RALGPS1: variants seen among roughly 807,000 people sequenced by gnomAD.
The protein encoded by RALGPS1 is Ral GEF with PH domain and SH3 binding motif 1.
A neutral mutation model predicts 78.8 loss-of-function variants in RALGPS1; 19 were observed. The observed-to-expected ratio is 0.24, with a 90% CI of 0.17 to 0.35. The LOEUF is 0.35. Among genes scored for constraint, RALGPS1 ranks in the 10% least tolerant of loss-of-function variants. RALGPS1 has a pLI of 1.00. For synonymous variants in RALGPS1, 228 were observed against 256.3 expected, an observed-to-expected ratio of 0.89 and a Z score of 1.06; for missense variants, 454 against 688.3, an observed-to-expected ratio of 0.66 and a Z score of 3.81.
In RALGPS1 at chr9:127,127,856, G is replaced by GAA. The variant is rs11450591; in HGVS notation, c.611-38202_611-38201dup. ...AAGCTAGGAGGAACACGATTGTCCT[G>GAA]AAAAAAAAAAAATTTTGCTTGTTTT... On this transcript the variant is annotated intron_variant, in intron 8 of 18. Coordinates refer to ENST00000259351, the MANE Select transcript of RALGPS1 (RefSeq NM_014636.3). Among the ~76,000 whole-genome samples the GAA allele has an allele frequency of 2.2e-3, 329 of 149,392 alleles. 2 individuals carry two copies. The highest frequency in any genetic ancestry group is 4.8e-3 in the Admixed American group (72 of 15,036).
chr9:126,930,025 T>C (rs2035650980), intron 1 of RALGPS1, among the ~76,000 whole-genome samples: 1 of 152,094 alleles, frequency 6.6e-6, no homozygotes, highest in African/African-American at 2.4e-5. Flanking sequence ...AGAGATGGGG[T>C]CTTGCAGTGT....
intron 8 of RALGPS1, among the ~76,000 whole-genome samples, chr9:127,092,416 C>T (rs1230592219): frequency 6.6e-6 from 1 of 152,090 alleles, no homozygotes; most frequent in Non-Finnish European, 1.5e-5. Flanking sequence ...ACCGGCGCTC[C>T]CCTCTAGGTC....
intron 13 of RALGPS1, among the ~76,000 whole-genome samples, chr9:127,196,857 G>C (rs2248809): frequency 0.71 from 108,406 of 152,180 alleles, 39,016 homozygotes; most frequent in Admixed American, 0.8. Flanking sequence ...TGGATCTGTC[G>C]TCATCCTGCT....
intron 8 of RALGPS1, among the ~76,000 whole-genome samples, chr9:127,093,233 G>A (rs1328961528): frequency 6.6e-6 from 1 of 152,096 alleles, no homozygotes; most frequent in Non-Finnish European, 1.5e-5. Context: ...TCAACTCCCT[G>A]GGAACCAGGG....
intron 7 of RALGPS1, among the ~76,000 whole-genome samples, chr9:127,059,072 C>T (rs1366086563): frequency 6.6e-6 from 1 of 152,092 alleles, no homozygotes; most frequent in Non-Finnish European, 1.5e-5. Context: ...GAGAATTGCT[C>T]CTTGTACCAA....
intron 1 of RALGPS1, among the ~76,000 whole-genome samples, chr9:126,959,062 T>A (rs1185051081): frequency 6.6e-6 from 1 of 151,264 alleles, no homozygotes; most frequent in African/African-American, 2.4e-5. Flanking sequence ...TATCTTCTTC[T>A]TCTTTTTTTT....
chr9:127,191,899 G>T (rs943626958), intron 11 of RALGPS1, among the ~76,000 whole-genome samples: 2 of 152,068 alleles, frequency 1.3e-5, no homozygotes, highest in South Asian at 2.1e-4. Context: ...GGGTTTCACC[G>T]TGTCAGCCAG....
chr9:126,952,934 A>G (rs2038001743), intron 1 of RALGPS1, among the ~76,000 whole-genome samples: 1 of 151,972 alleles, frequency 6.6e-6, no homozygotes, highest in Non-Finnish European at 1.5e-5. Flanking sequence ...TTTGGGATCC[A>G]TTTTCATACT....
intron 10 of RALGPS1, among the ~76,000 whole-genome samples, chr9:127,171,765 T>C (rs373772671): frequency 6.6e-6 from 1 of 151,982 alleles, no homozygotes; most frequent in Non-Finnish European, 1.5e-5. Flanking sequence ...TCAAAAAAAA[T>C]AATAATAATA....
chr9:127,209,607 G>A lies in RALGPS1; in HGVS notation c.1248-2524G>A, dbSNP rs149534937. ...TACCATCACCCAGAGAGGAGGAGCC[G>A]ATGGGCAGGAGGCTCGGGGGCCTGG... On this transcript the variant is annotated intron_variant, in intron 14 of 18. Coordinates refer to ENST00000259351, the MANE Select transcript of RALGPS1 (RefSeq NM_014636.3). Among the ~76,000 whole-genome samples the A allele has an allele frequency of 7.8e-3, 1,186 of 152,266 alleles. 15 individuals carry two copies. The highest frequency in any genetic ancestry group is 0.026 in the African/African-American group (1,062 of 41,562).
At chr9:127,191,249 A>G (rs114695827) in intron 11 of RALGPS1, among the ~76,000 whole-genome samples, 4,072 of 152,196 alleles carry the variant, frequency 0.027, 179 homozygotes, top group African/African-American at 0.093. Flanking sequence ...AATGTTGTCA[A>G]ATTTATTCAT....
At chr9:127,131,089 CTT>C (rs2056974145) in intron 8 of RALGPS1, among the ~76,000 whole-genome samples, 1 of 152,248 alleles carries the variant, frequency 6.6e-6, no homozygotes, top group Non-Finnish European at 1.5e-5. Context: ...ACTCAGTCGT[CTT>C]GAATAGACTA....
intron 8 of RALGPS1, among the ~76,000 whole-genome samples, chr9:127,078,100 CAAGCAA>C (rs76932596): frequency 0.023 from 3,553 of 152,276 alleles, 45 homozygotes; most frequent in Middle Eastern, 0.048. Flanking sequence ...TGGGATCCAG[CAAGCAA>C]GGAAAAGCTT....
intron 8 of RALGPS1, among the ~76,000 whole-genome samples, chr9:127,133,407 C>T (rs2057148977): frequency 6.6e-6 from 1 of 152,250 alleles, no homozygotes; most frequent in South Asian, 2.1e-4. Flanking sequence ...TTGACAGACT[C>T]AGCTGGTTTT....
chr9:127,135,026 T>C (rs2057298513), intron 8 of RALGPS1, among the ~76,000 whole-genome samples: 1 of 152,150 alleles, frequency 6.6e-6, no homozygotes, highest in African/African-American at 2.4e-5. Flanking sequence ...CCTGGGACAC[T>C]TGAATGTGCC....
intron 3 of RALGPS1, among the ~76,000 whole-genome samples, chr9:126,966,792 A>G (rs2039547600): frequency 6.6e-6 from 1 of 152,208 alleles, no homozygotes; most frequent in African/African-American, 2.4e-5. Flanking sequence ...TAAATTAAAA[A>G]AAAAGATATA....
chr9:127,213,073 G>A (rs780415778), intron 17 of RALGPS1, 24 bp downstream of exon 17: 14 of 1,613,896 alleles, frequency 8.7e-6, no homozygotes, highest in Admixed American at 5.0e-5. Flanking sequence ...CAGAGCTGGC[G>A]CCTGCAGCTG....
chr9:127,160,894 C>T (rs1381834101), intron 8 of RALGPS1, among the ~76,000 whole-genome samples: 7 of 152,214 alleles, frequency 4.6e-5, no homozygotes, highest in Admixed American at 4.6e-4. Flanking sequence ...AGGGTCACTG[C>T]TAAGGTGCCA....
chr9:127,196,338 G>C, intron 12 of RALGPS1, 136 bp from the exon 13 acceptor site: 1 of 944,638 alleles, frequency 1.1e-6, no homozygotes, highest in East Asian at 2.6e-5. Flanking sequence ...AGAGGACAGA[G>C]CCTGGGCTGT....
Sources: allele counts gnomAD v4.1 joint callset (sites outside exome capture counted in the v4.1 genomes callset), GRCh38; gene constraint gnomAD v4.1.1; transcripts MANE v1.5; gene names NCBI Gene and HGNC (gene_info 2026-07-23, HGNC 2026-07-21).